Variants in DIAPH3 observed in about 807,000 individuals in gnomAD.
DIAPH3 encodes protein diaphanous homolog 3.
In DIAPH3, 117 loss-of-function variants were observed where a neutral mutation model predicts 144.3. The ratio of observed to expected loss-of-function variants is 0.81; its 90% CI spans 0.70 to 0.95. The LOEUF (loss-of-function observed/expected upper bound fraction) is 0.95. DIAPH3 is among the 40% of genes least tolerant of loss of function. The pLI is 0.00. For synonymous variants in DIAPH3, 519 were observed against 488.9 expected, an observed-to-expected ratio of 1.06 and a Z score of -0.81; for missense variants, 1,421 against 1,412.7, an observed-to-expected ratio of 1.01 and a Z score of -0.09.
chr13:59,857,391 G>A (rs78750293), intron 22 of DIAPH3, among the ~76,000 whole-genome samples: 1,796 of 152,168 alleles, frequency 0.012, 18 homozygotes, highest in Middle Eastern at 0.034. Context: ...AAATATTAGG[G>A]TCAAATCAAG....
intron 17 of DIAPH3, among the ~76,000 whole-genome samples, chr13:59,960,069 T>C (rs1371292675): frequency 6.6e-6 from 1 of 152,198 alleles, no homozygotes; most frequent in Non-Finnish European, 1.5e-5. Context: ...AAGACTGATT[T>C]ATATACACTA....
chr13:59,961,407 C>T (rs915286022), intron 17 of DIAPH3, among the ~76,000 whole-genome samples: 8 of 152,156 alleles, frequency 5.3e-5, no homozygotes, highest in South Asian at 4.1e-4. Flanking sequence ...GTGGACTCCA[C>T]AACATCCCTC....
chr13:59,789,166 T>C (rs1382683515), intron 25 of DIAPH3, among the ~76,000 whole-genome samples: 1 of 152,096 alleles, frequency 6.6e-6, no homozygotes, highest in Non-Finnish European at 1.5e-5. Flanking sequence ...TAAATACATA[T>C]GTAGATGTGA....
intron 22 of DIAPH3, among the ~76,000 whole-genome samples, chr13:59,845,722 A>C (rs2042593319): frequency 6.6e-6 from 1 of 152,200 alleles, no homozygotes; most frequent in Non-Finnish European, 1.5e-5. Context: ...AGGAATCAAA[A>C]ACTACAGCAA....
chr13:59,919,321 G>A (rs2047399812), intron 18 of DIAPH3, among the ~76,000 whole-genome samples: 1 of 151,992 alleles, frequency 6.6e-6, no homozygotes, highest in Non-Finnish European at 1.5e-5. Context: ...GAAGGTAAAA[G>A]GTGTCTAGTA....
chr13:59,666,938 A>G, intron 27 of DIAPH3, 92 bp from the exon 28 acceptor site: 1 of 1,419,190 alleles, frequency 7.0e-7, no homozygotes, highest in Non-Finnish European at 9.8e-7. Flanking sequence ...ATTATTCTCA[A>G]TAAATAAGTA....
intron 27 of DIAPH3, among the ~76,000 whole-genome samples, chr13:59,670,516 A>T (rs1178804668): frequency 6.6e-6 from 1 of 151,802 alleles, no homozygotes; most frequent in Non-Finnish European, 1.5e-5. Flanking sequence ...GCTGGACAGG[A>T]GGAGTTGCCT....
At chr13:60,056,792 G>C (rs529589772) in intron 4 of DIAPH3, among the ~76,000 whole-genome samples, 1 of 151,884 alleles carries the variant, frequency 6.6e-6, no homozygotes, top group South Asian at 2.1e-4. Context: ...TGGGGGAGTG[G>C]GAAGAGATAG....
chr13:59,780,509 C>G (rs754081082), intron 25 of DIAPH3, among the ~76,000 whole-genome samples: 3 of 152,114 alleles, frequency 2.0e-5, no homozygotes, highest in Non-Finnish European at 4.4e-5. Flanking sequence ...TATAGTTTCT[C>G]CCCTGCTGTG....
chr13:59,903,226 ATTGATT>A (rs745777203), intron 20 of DIAPH3, among the ~76,000 whole-genome samples: 5 of 152,200 alleles, frequency 3.3e-5, no homozygotes, highest in Admixed American at 6.5e-5. Context: ...GGGAAACATG[ATTGATT>A]TTGTATCTGG....
intron 25 of DIAPH3, among the ~76,000 whole-genome samples, chr13:59,786,102 C>A (rs2039018409): frequency 6.6e-6 from 1 of 152,046 alleles, no homozygotes; most frequent in African/African-American, 2.4e-5. Flanking sequence ...GGTGACATAG[C>A]AAGACCCTGT....
At chr13:59,675,930 ACTAG>A (rs1474194492) in intron 27 of DIAPH3, among the ~76,000 whole-genome samples, 21 of 152,330 alleles carry the variant, frequency 1.4e-4, no homozygotes, top group Middle Eastern at 3.4e-3. Context: ...TTAGAAACTA[ACTAG>A]CTAACTATTT....
chr13:59,992,130 C>T lies in DIAPH3; in HGVS notation c.1182G>A (p.Glu394=), dbSNP rs1319817313. The change falls in exon 11 of 28, where the codon GAG becomes GAA. Residue 394 remains glutamate, a synonymous_variant. Transcript: ENST00000400324. ...ACTCAAACAAATCTTCTTCTTTATG[C>T]TCATCAAAGACTTTAAGTTGGATAT... ...GLDIQLKVFD[E]HKEEDLFELS... is the part of the protein sequence containing the mutation. The T allele has an allele frequency of 1.2e-6, 2 of 1,611,896 alleles. No individual in the cohort carries two copies. Among genetic ancestry groups the T allele is most frequent in the South Asian group, 1.1e-5 (1 of 91,024 alleles).
chr13:60,060,196 C>T (rs1292015587), intron 4 of DIAPH3, among the ~76,000 whole-genome samples: 1 of 151,992 alleles, frequency 6.6e-6, no homozygotes, highest in African/African-American at 2.4e-5. Flanking sequence ...AAATCTAATT[C>T]ACTTTCTAGA....
At chr13:59,704,740 A>G (rs1846035516) in intron 27 of DIAPH3, among the ~76,000 whole-genome samples, 1 of 152,246 alleles carries the variant, frequency 6.6e-6, no homozygotes, top group Admixed American at 6.5e-5. Flanking sequence ...AGGTTACACC[A>G]ACAGTCTAGA....
At position 59,682,224 on chromosome 13, in the gene DIAPH3, T is replaced by A. The variant is rs887924354; in HGVS notation, c.3320-15378A>T. 4.6e-5 allele frequency among the ~76,000 whole-genome samples: 7 copies of A among 152,374 alleles called. No individual in the cohort carries two copies. In the South Asian group the frequency reaches 1.4e-3, roughly 32 times the overall value. ...TAAATCCTCACATTTTAACAAATAC[T>A]ACCCAATTTGTACGAAGGGTCCAGA... is the stretch of plus-strand genomic sequence containing the variant. On this transcript the variant is annotated intron_variant, in intron 27 of 27. Transcript: ENST00000400324.
chr13:60,012,801 G>T, intron 7 of DIAPH3: 1 of 164,874 alleles, frequency 6.1e-6, no homozygotes, highest in Non-Finnish European at 1.3e-5. Flanking sequence ...TGAAATAGGA[G>T]CATACTCTGA....
intron 3 of DIAPH3, among the ~76,000 whole-genome samples, chr13:60,106,647 G>A (rs1436168750): frequency 6.6e-6 from 1 of 152,000 alleles, no homozygotes; most frequent in African/African-American, 2.4e-5. Context: ...GTATTATTCT[G>A]GCTATATGGG....
intron 13 of DIAPH3, among the ~76,000 whole-genome samples, chr13:59,983,318 G>A (rs2051153144): frequency 1.3e-5 from 2 of 151,004 alleles, no homozygotes; most frequent in African/African-American, 4.8e-5. Flanking sequence ...TGGAGAATTT[G>A]TAACATCAGG....
Sources: gnomAD v4.1 joint callset for allele counts (sites outside exome capture counted in the v4.1 genomes callset) on GRCh38, gnomAD v4.1.1 for gene constraint, MANE v1.5 for transcripts, NCBI Gene and HGNC (gene_info 2026-07-23, HGNC 2026-07-21) for gene names.